TBC1D5: variants seen among roughly 807,000 people sequenced by gnomAD.
TBC1D5 encodes the protein TBC1 domain family member 5.
A neutral mutation model predicts 100.3 loss-of-function variants in TBC1D5; 75 were observed. The observed-to-expected ratio is 0.75, with a 90% CI of 0.62 to 0.91. TBC1D5 has a LOEUF of 0.91. TBC1D5 is among the 40% of genes least tolerant of loss of function. The pLI, the probability that TBC1D5 is intolerant of heterozygous loss-of-function variation, is 0.00. For synonymous variants in TBC1D5, 323 were observed against 325.6 expected (o/e 0.99, Z 0.09); for missense variants, 910 against 942.4 (o/e 0.97, Z 0.45).
At chr3:17,677,047 C>T (rs2068738967) in intron 1 of TBC1D5, among the ~76,000 whole-genome samples, 1 of 152,118 alleles carries the variant, frequency 6.6e-6, no homozygotes, top group African/African-American at 2.4e-5. Flanking sequence ...TCCATAAAAA[C>T]CCTAGAAGAA....
intron 2 of TBC1D5, among the ~76,000 whole-genome samples, chr3:17,530,983 G>A (rs2096214781): frequency 6.6e-6 from 1 of 152,178 alleles, no homozygotes; most frequent in African/African-American, 2.4e-5. Flanking sequence ...GTTCTGGCCA[G>A]GGCAATTAGG....
At chr3:17,163,498 C>T (rs2066291522) in intron 21 of TBC1D5, among the ~76,000 whole-genome samples, 1 of 152,188 alleles carries the variant, frequency 6.6e-6, no homozygotes. Context: ...TCAATCCTCT[C>T]TTTTTACCCA....
At chr3:17,671,448 TG>T (rs2067927406) in intron 1 of TBC1D5, among the ~76,000 whole-genome samples, 2 of 152,344 alleles carry the variant, frequency 1.3e-5, no homozygotes, top group South Asian at 4.1e-4. Flanking sequence ...GTGAATTCAC[TG>T]ATTGACGGCC....
intron 18 of TBC1D5, among the ~76,000 whole-genome samples, chr3:17,191,212 A>C (rs2069842466): frequency 6.6e-6 from 1 of 152,232 alleles, no homozygotes; most frequent in African/African-American, 2.4e-5. Context: ...TAGGCTTGAC[A>C]CTTACCTTCT....
chr3:17,330,700 A>T (rs1351142227), intron 13 of TBC1D5, among the ~76,000 whole-genome samples: 8 of 152,096 alleles, frequency 5.3e-5, no homozygotes, highest in Admixed American at 1.3e-4. Context: ...CTCCTCTTCA[A>T]ATTAGATATA....
chr3:17,316,072 T>C (rs898885373), intron 13 of TBC1D5, among the ~76,000 whole-genome samples: 3 of 152,202 alleles, frequency 2.0e-5, no homozygotes, highest in African/African-American at 7.2e-5. Flanking sequence ...AGGTTGTAGT[T>C]TGGCTTCTGG....
intron 2 of TBC1D5, among the ~76,000 whole-genome samples, chr3:17,621,609 C>G (rs1035232256): frequency 1.3e-5 from 2 of 152,192 alleles, no homozygotes; most frequent in Admixed American, 1.3e-4. Flanking sequence ...GAAATTCTGT[C>G]CCATAATTGT....
chr3:17,688,339 T>A (rs2070627796), intron 1 of TBC1D5, among the ~76,000 whole-genome samples: 1 of 152,126 alleles, frequency 6.6e-6, no homozygotes, highest in Admixed American at 6.6e-5. Context: ...GTGGTTTAGC[T>A]CTCCTTTGAG....
At chr3:17,270,454 C>T (rs2079284107) in intron 15 of TBC1D5, among the ~76,000 whole-genome samples, 1 of 152,164 alleles carries the variant, frequency 6.6e-6, no homozygotes, top group Admixed American at 6.5e-5. Flanking sequence ...AGATTGAGCT[C>T]TTCAGAAGTA....
chr3:17,519,160 G>A (rs1306053775), intron 2 of TBC1D5, among the ~76,000 whole-genome samples: 2 of 152,244 alleles, frequency 1.3e-5, no homozygotes, highest in Non-Finnish European at 2.9e-5. Context: ...TTCATGTAAA[G>A]TGTGTAAGGA....
chr3:17,236,644 C>A (rs112689784), intron 17 of TBC1D5, among the ~76,000 whole-genome samples: 4,223 of 152,126 alleles, frequency 0.028, 100 homozygotes, highest in Non-Finnish European at 0.049. Context: ...CACCACCATG[C>A]CCAGCTAATT....
rs565781390 is a variant in TBC1D5, at chr3:17,366,951, T to C, written c.995+5124A>G. Among the ~76,000 whole-genome samples the C allele has an allele frequency of 4.6e-5, 7 of 152,218 alleles. No individual in the cohort carries two copies. In the South Asian group the frequency reaches 1.5e-3, roughly 32 times the overall value. ...TAATAGAAAACAGACATGGAAGATA[T>C]ATAATAAGCATTTGGGGGATATGGA... On this transcript the variant is annotated intron_variant, in intron 13 of 21. Coordinates refer to ENST00000253692, the Ensembl canonical transcript of TBC1D5.
At chr3:17,289,783 G>A (rs937930107) in intron 15 of TBC1D5, among the ~76,000 whole-genome samples, 4 of 152,182 alleles carry the variant, frequency 2.6e-5, no homozygotes, top group Admixed American at 2.6e-4. Flanking sequence ...AGATGTTGGT[G>A]GCAGAGCCAA....
chr3:17,639,015 A>G (rs2064239246), intron 1 of TBC1D5, among the ~76,000 whole-genome samples: 1 of 152,288 alleles, frequency 6.6e-6, no homozygotes, highest in South Asian at 2.1e-4. Context: ...ACTCTTAGGT[A>G]TCTACCCAAG....
chr3:17,175,280 A>G (rs2067594812), intron 19 of TBC1D5, among the ~76,000 whole-genome samples: 1 of 148,840 alleles, frequency 6.7e-6, no homozygotes, highest in Admixed American at 6.8e-5. Context: ...GCAAATTTGC[A>G]TATTACACTA....
At chr3:17,722,714 A>G (rs988094511) in intron 1 of TBC1D5, among the ~76,000 whole-genome samples, 1 of 152,210 alleles carries the variant, frequency 6.6e-6, no homozygotes, top group Non-Finnish European at 1.5e-5. Context: ...AAATGAGAAA[A>G]CTAAGTCTCA....
chr3:17,477,146 C>T (rs1239717109), intron 3 of TBC1D5, among the ~76,000 whole-genome samples: 1 of 151,894 alleles, frequency 6.6e-6, no homozygotes, highest in Non-Finnish European at 1.5e-5. Flanking sequence ...GTTTCCCCTA[C>T]AACTACTGAA....
intron 2 of TBC1D5, among the ~76,000 whole-genome samples, chr3:17,622,002 G>T (rs187132784): frequency 2.6e-5 from 4 of 152,124 alleles, no homozygotes; most frequent in Non-Finnish European, 5.9e-5. Flanking sequence ...AAATCTGATT[G>T]GGATAAGTTC....
At chr3:17,367,902 G>GT (rs1163031149) in intron 13 of TBC1D5, among the ~76,000 whole-genome samples, 3 of 151,726 alleles carry the variant, frequency 2.0e-5, no homozygotes, top group East Asian at 3.9e-4. Context: ...TCGAATTATA[G>GT]TAAGAGAAAC....
Sources: gnomAD v4.1 joint callset for allele counts (sites outside exome capture counted in the v4.1 genomes callset) on GRCh38, gnomAD v4.1.1 for gene constraint, MANE v1.5 for transcripts, NCBI Gene and HGNC (gene_info 2026-07-23, HGNC 2026-07-21) for gene names.